CACNA1C: variants seen among roughly 807,000 people sequenced by gnomAD.
The protein encoded by CACNA1C is voltage-dependent L-type calcium channel subunit alpha-1C.
Under a neutral mutation model 229.0 loss-of-function variants are expected in CACNA1C, and 30 were observed. That is an observed-to-expected ratio of 0.13 (90% CI 0.10 to 0.18). The LOEUF (loss-of-function observed/expected upper bound fraction) is 0.18, where lower values mean the gene tolerates loss of function less well. Ranked by LOEUF, CACNA1C falls within the 10% of genes least tolerant of loss-of-function variation. The pLI is 1.00. For missense variants in CACNA1C, 1,658 were observed against 2,845.0 expected, an observed-to-expected ratio of 0.58 and a Z score of 9.49; for synonymous variants, 1,114 against 1,132.5, an observed-to-expected ratio of 0.98 and a Z score of 0.33.
chr12:2,633,929 C>T lies in CACNA1C; in HGVS notation c.3829-368C>T, dbSNP rs2091716506. Among the ~76,000 whole-genome samples the T allele has an allele frequency of 6.6e-6, 1 of 152,206 alleles. No individual in the cohort carries two copies. Among genetic ancestry groups the T allele is most frequent in the African/African-American group, 2.4e-5 (1 of 41,462 alleles). ...CCTCCTTTTTTTCCATTTACCTCAG[C>T]TCTGCCCGGCGCTGCCGGGCTGGGG... On this transcript the variant is annotated intron_variant, in intron 29 of 46. Transcript: ENST00000399655. This position sits in a 1 kb window ranked among gnomAD's most constrained non-coding sequence, Gnocchi z 5.8.
Position 2,648,459 on chromosome 12 carries a change from C to G in CACNA1C, c.3913-16C>G. On this transcript the variant is annotated splice_polypyrimidine_tract_variant and intron_variant, in intron 30 of 46. Transcript: ENST00000399655. The stretch of plus-strand genomic sequence containing the variant: ...GAGACTCATTACAGCTTATCTCTAT[C>G]TGCCTTTCTTTAAAGCCAGCTGAAC... The G allele has an allele frequency of 1.2e-6, 2 of 1,613,362 alleles. No homozygotes were observed. The highest frequency in any genetic ancestry group is 2.2e-5 in the East Asian group (1 of 44,876).
chr12:2,091,580 G>A (rs1565623137), intron 1 of CACNA1C, among the ~76,000 whole-genome samples: 2 of 150,268 alleles, frequency 1.3e-5, no homozygotes, highest in South Asian at 2.1e-4. Flanking sequence ...TTCCTCTTCC[G>A]AGGACCCTTG....
rs1054536447 is a variant in CACNA1C, at chr12:2,689,067, G to T, written c.6117+288G>T. On this transcript the variant is annotated intron_variant, in intron 46 of 46. Transcript: ENST00000399655. The surrounding 1 kb of genome is among the most constrained non-coding windows in gnomAD (Gnocchi z 4.2). ...TGCTCGACATGCAAATGTGAGCCTGGCTGCCTTTATACACAGACAGGCAAG... is the reference window on the plus strand; with the variant it reads ...TGCTCGACATGCAAATGTGAGCCTGTCTGCCTTTATACACAGACAGGCAAG... Among the ~76,000 whole-genome samples, 1 of 152,168 alleles carries T rather than the reference G, an allele frequency of 6.6e-6. No homozygotes were observed. Among genetic ancestry groups the T allele is most frequent in the Non-Finnish European group, 1.5e-5 (1 of 68,022 alleles).
intron 1 of CACNA1C, among the ~76,000 whole-genome samples, chr12:1,977,264 C>G (rs1318042129): frequency 1.3e-5 from 2 of 152,128 alleles, no homozygotes; most frequent in Admixed American, 6.5e-5. Flanking sequence ...TTAGCATGCT[C>G]GGCCATGATG....
At chr12:2,452,544 C>T (rs1003169741) in intron 4 of CACNA1C, among the ~76,000 whole-genome samples, 1 of 152,130 alleles carries the variant, frequency 6.6e-6, no homozygotes, top group Non-Finnish European at 1.5e-5. Context: ...CCAGAGCAGT[C>T]CTTCGGCCAG....
chr12:2,551,505 G>A (rs982261061), intron 10 of CACNA1C, among the ~76,000 whole-genome samples: 11 of 152,110 alleles, frequency 7.2e-5, no homozygotes, highest in African/African-American at 1.9e-4. Flanking sequence ...AATATGCCCC[G>A]AATAAAATGT....
chr12:2,381,207 G>C (rs560511603), intron 3 of CACNA1C, among the ~76,000 whole-genome samples: 1 of 152,192 alleles, frequency 6.6e-6, no homozygotes, highest in African/African-American at 2.4e-5. Flanking sequence ...AGTCCTTGAA[G>C]TTCCTGAAAT....
intron 43 of CACNA1C, among the ~76,000 whole-genome samples, chr12:2,684,315 G>A (rs4765974): frequency 0.059 from 8,980 of 152,210 alleles, 375 homozygotes; most frequent in Admixed American, 0.12. Context: ...AAAATGGGAC[G>A]GTGGGGGTGA....
chr12:2,079,673 G>A (rs1430711498), intron 1 of CACNA1C, among the ~76,000 whole-genome samples: 1 of 151,926 alleles, frequency 6.6e-6, no homozygotes, highest in Non-Finnish European at 1.5e-5. Context: ...CCATAACAAT[G>A]GTAAATTTTA....
chr12:2,688,437 G>A lies in CACNA1C; in HGVS notation c.5785-10G>A, dbSNP rs762376206. 1 of 1,613,544 alleles carries A rather than the reference G, an allele frequency of 6.2e-7. No homozygotes were observed. Among genetic ancestry groups the A allele is most frequent in the Non-Finnish European group, 8.5e-7 (1 of 1,179,736 alleles). ...ACTCCTATTAACTCACACTCCTTGTGTGTCCGCAGGCATTGGCAGTGGCAG... is the reference window on the plus strand; with the variant it reads ...ACTCCTATTAACTCACACTCCTTGTATGTCCGCAGGCATTGGCAGTGGCAG... On this transcript the variant is annotated splice_polypyrimidine_tract_variant and intron_variant, in intron 45 of 46. Transcript: ENST00000399655.
At chr12:2,469,857 AC>A (rs1356672782) in intron 5 of CACNA1C, among the ~76,000 whole-genome samples, 1 of 152,214 alleles carries the variant, frequency 6.6e-6, no homozygotes, top group Non-Finnish European at 1.5e-5. Flanking sequence ...AAATTGTTAG[AC>A]TTACCTTCTA....
chr12:2,565,015 C>T (rs180849011), intron 11 of CACNA1C, among the ~76,000 whole-genome samples: 16 of 152,246 alleles, frequency 1.1e-4, no homozygotes, highest in Admixed American at 3.9e-4. Flanking sequence ...TTAACCATGT[C>T]GTCTACTGAA....
chr12:2,284,002 T>C (rs1245884320), intron 3 of CACNA1C, among the ~76,000 whole-genome samples: 1 of 152,144 alleles, frequency 6.6e-6, no homozygotes, highest in African/African-American at 2.4e-5. Context: ...CCTTGTCCAC[T>C]GAAAACAAAA....
intron 38 of CACNA1C, among the ~76,000 whole-genome samples, chr12:2,671,055 G>A (rs944490585): frequency 3.4e-5 from 5 of 148,676 alleles, no homozygotes; most frequent in African/African-American, 5.0e-5. Flanking sequence ...TCGCTCTGTC[G>A]CCAGGCTGGA....
At position 2,625,231 on chromosome 12, in the gene CACNA1C, G is replaced by A. The variant is rs114225507; in HGVS notation, c.3829-9066G>A. Among the ~76,000 whole-genome samples the A allele has an allele frequency of 2.3e-3, 347 of 152,310 alleles. 1 individual carries two copies. The highest frequency in any genetic ancestry group is 8.0e-3 in the African/African-American group (332 of 41,566). On this transcript the variant is annotated intron_variant, in intron 29 of 46. Coordinates refer to ENST00000399655, the MANE Select transcript of CACNA1C (RefSeq NM_000719.7). ...AAAATAATTATATGACTTGCATAAA[G>A]CCTTCATGTGGGAAGGCTAGTATTA...
At chr12:2,412,356 C>A (rs2098817476) in intron 3 of CACNA1C, among the ~76,000 whole-genome samples, 1 of 152,228 alleles carries the variant, frequency 6.6e-6, no homozygotes, top group Non-Finnish European at 1.5e-5. Flanking sequence ...GCTTTGTACT[C>A]CATTAAGTGC....
intron 3 of CACNA1C, among the ~76,000 whole-genome samples, chr12:2,262,647 G>T (rs1388474937): frequency 6.6e-6 from 1 of 152,204 alleles, no homozygotes; most frequent in Non-Finnish European, 1.5e-5. Flanking sequence ...AGGCCAGGAG[G>T]CATCCAGGAG....
chr12:2,053,705 C>A lies in CACNA1C; in HGVS notation c.49+94C>A. On this transcript the variant is annotated intron_variant, in intron 1 of 46. Coordinates refer to ENST00000399655, the MANE Select transcript of CACNA1C (RefSeq NM_000719.7). The surrounding 1 kb of genome is among the most constrained non-coding windows in gnomAD (Gnocchi z 5.8). Reference sequence around the variant, plus strand: ...CTCCCCGCGGCCCCGGGGCCGGTCCCTGCGGAGTGGCCCGGGGCCGCGTCC... The same window carrying A: ...CTCCCCGCGGCCCCGGGGCCGGTCCATGCGGAGTGGCCCGGGGCCGCGTCC... 1 of 1,184,828 alleles carries A rather than the reference C, an allele frequency of 8.4e-7. No individual in the cohort carries two copies. The highest frequency in any genetic ancestry group is 1.1e-6 in the Non-Finnish European group (1 of 939,692). 73.4% of individuals were successfully genotyped at this position (1,184,828 alleles called of 1,614,324 possible).
chr12:2,045,173 C>T (rs55762621), intron 1 of CACNA1C, among the ~76,000 whole-genome samples: 7,676 of 152,052 alleles, frequency 0.05, 267 homozygotes, highest in Middle Eastern at 0.078. Context: ...CTCTTAGGAC[C>T]GTGTTTTGAA....
Sources: gnomAD v4.1 joint callset for allele counts (sites outside exome capture counted in the v4.1 genomes callset) on GRCh38, gnomAD v4.1.1 for gene constraint, Gnocchi (gnomAD v3.1) non-coding constraint, MANE v1.5 for transcripts, NCBI Gene and HGNC (gene_info 2026-07-23, HGNC 2026-07-21) for gene names.